PARD3: variants seen among roughly 807,000 people sequenced by gnomAD.
PARD3 encodes partitioning defective 3 homolog.
In PARD3, 75 loss-of-function variants were observed where a neutral mutation model predicts 155.4. The ratio of observed to expected loss-of-function variants is 0.48; its 90% CI spans 0.40 to 0.58. PARD3 has a LOEUF of 0.58. PARD3 is among the 20% of genes least tolerant of loss of function. PARD3 has a pLI of 0.00. For synonymous variants in PARD3, 576 were observed against 610.5 expected, an observed-to-expected ratio of 0.94 and a Z score of 0.83; for missense variants, 1,642 against 1,721.7, an observed-to-expected ratio of 0.95 and a Z score of 0.82.
chr10:34,364,921 T>C (rs1839820836), intron 12 of PARD3, among the ~76,000 whole-genome samples: 1 of 152,218 alleles, frequency 6.6e-6, no homozygotes, highest in Admixed American at 6.5e-5. Context: ...TCAAAGGTTA[T>C]CAAATTGCTC....
chr10:34,618,063 C>G (rs1353466556), intron 2 of PARD3, among the ~76,000 whole-genome samples: 2 of 152,142 alleles, frequency 1.3e-5, no homozygotes, highest in Non-Finnish European at 2.9e-5. Context: ...AAACTATGAC[C>G]TTTCTAAACT....
intron 2 of PARD3, among the ~76,000 whole-genome samples, chr10:34,571,966 T>C (rs2086448395): frequency 6.6e-6 from 1 of 152,148 alleles, no homozygotes; most frequent in African/African-American, 2.4e-5. Flanking sequence ...CTCTATCTGG[T>C]AAGAAATTAT....
At chr10:34,307,719 G>C (rs1957484781) in intron 20 of PARD3, among the ~76,000 whole-genome samples, 2 of 152,196 alleles carry the variant, frequency 1.3e-5, no homozygotes, top group Admixed American at 1.3e-4. Flanking sequence ...CAGACACAGA[G>C]GCAGAGAATG....
At chr10:34,722,770 C>T (rs1213434152) in intron 1 of PARD3, among the ~76,000 whole-genome samples, 1 of 152,186 alleles carries the variant, frequency 6.6e-6, no homozygotes, top group Non-Finnish European at 1.5e-5. Flanking sequence ...AACACAGTAT[C>T]TTCTTTAGAA....
chr10:34,415,476 T>C (rs1589489073), intron 5 of PARD3, among the ~76,000 whole-genome samples: 1 of 152,256 alleles, frequency 6.6e-6, no homozygotes, highest in South Asian at 2.1e-4. Flanking sequence ...TTTATATGTA[T>C]TGTTTTACAT....
rs1465651258 is a variant in PARD3 at position 34,131,582 on chromosome 10, T to C, written c.3421A>G (p.Asn1141Asp). ...RNSKPSPVDS[N>D]RSTPSNHDRI... Reference sequence around the variant, plus strand: ...TCATGATTGCTAGGAGTTGATCTGTTACTGAAAGAGAGATGAGGCAGCAGT... The same window carrying C: ...TCATGATTGCTAGGAGTTGATCTGTCACTGAAAGAGAGATGAGGCAGCAGT... Residue 1141 changes from asparagine (N) to aspartate (D), a missense_variant and splice_region_variant, in exon 23 of 25, where the codon AAC becomes GAC. Asn to Asp is a conservative substitution (Grantham distance 23). Coordinates refer to ENST00000374788, the MANE Select transcript of PARD3 (RefSeq NM_001184785.2). 6.2e-7 allele frequency: 1 copy of C among 1,613,800 alleles called. No homozygotes were observed. The highest frequency in any genetic ancestry group is 8.5e-7 in the Non-Finnish European group (1 of 1,179,720).
At chr10:34,392,879 G>A (rs1185501221) in intron 7 of PARD3, among the ~76,000 whole-genome samples, 5 of 152,100 alleles carry the variant, frequency 3.3e-5, no homozygotes, top group Non-Finnish European at 5.9e-5. Flanking sequence ...ATACTAGAAT[G>A]TAAAACCATC....
intron 18 of PARD3, among the ~76,000 whole-genome samples, chr10:34,335,627 A>T (rs1209111926): frequency 6.6e-6 from 1 of 152,062 alleles, no homozygotes; most frequent in Non-Finnish European, 1.5e-5. Context: ...AAGCTCACAA[A>T]GTTAAGATAT....
chr10:34,587,770 T>C (rs755916671), intron 2 of PARD3, among the ~76,000 whole-genome samples: 1 of 152,032 alleles, frequency 6.6e-6, no homozygotes, highest in East Asian at 1.9e-4. Flanking sequence ...CCATGACTAG[T>C]TAGAAGTATA....
chr10:34,452,694 C>T (rs947071793), intron 4 of PARD3, among the ~76,000 whole-genome samples: 1 of 152,108 alleles, frequency 6.6e-6, no homozygotes, highest in African/African-American at 2.4e-5. Context: ...AAAAAGTGCA[C>T]AATTTCACCA....
chr10:34,239,421 A>G lies in PARD3; in HGVS notation c.3419+30236T>C, dbSNP rs147863954. 3.1e-3 allele frequency among the ~76,000 whole-genome samples: 475 copies of G among 152,342 alleles called. 2 individuals carry two copies. The highest frequency in any genetic ancestry group is 0.011 in the African/African-American group (437 of 41,588). On this transcript the variant is annotated intron_variant, in intron 22 of 24. Transcript: ENST00000374788. Reference sequence around the variant, plus strand: ...GAAGTGTCAAGGCAGAGGCAGACACAGACTGAGAGAAGTGGGCTGAAGTCT... The same window carrying G: ...GAAGTGTCAAGGCAGAGGCAGACACGGACTGAGAGAAGTGGGCTGAAGTCT...
intron 2 of PARD3, among the ~76,000 whole-genome samples, chr10:34,520,627 G>A (rs970495358): frequency 1.3e-5 from 2 of 152,086 alleles, no homozygotes; most frequent in Admixed American, 6.6e-5. Context: ...GGCCCATACC[G>A]TCTCTTTCAT....
intron 24 of PARD3, 26 bp from the exon 25 acceptor site, chr10:34,111,588 T>A (rs371227713): frequency 2.6e-6 from 4 of 1,565,298 alleles, no homozygotes; most frequent in South Asian, 1.2e-5. Flanking sequence ...CAAAGGTTAG[T>A]GTGAGGGTAG....
intron 22 of PARD3, among the ~76,000 whole-genome samples, chr10:34,227,856 T>TTTTATATATATATATATATATATATATA (rs1554814033): frequency 1.2e-5 from 1 of 82,276 alleles, no homozygotes; most frequent in Non-Finnish European, 2.3e-5. Context: ...GAATTATTTT[T>TTTTATATATATATATATATATATATATA]TATATATATA....
intron 1 of PARD3, among the ~76,000 whole-genome samples, chr10:34,737,046 T>C (rs1045681159): frequency 6.6e-5 from 10 of 151,998 alleles, no homozygotes; most frequent in Non-Finnish European, 1.5e-4. Flanking sequence ...CCTTTTACGG[T>C]TGAGATGCTC....
intron 20 of PARD3, among the ~76,000 whole-genome samples, chr10:34,289,636 C>T (rs997811985): frequency 4.6e-5 from 7 of 152,144 alleles, no homozygotes; most frequent in African/African-American, 1.7e-4. Flanking sequence ...TGCCACACTC[C>T]ACCAGAAACT....
At chr10:34,698,504 A>G (rs1358816575) in intron 1 of PARD3, among the ~76,000 whole-genome samples, 1 of 152,140 alleles carries the variant, frequency 6.6e-6, no homozygotes, top group Non-Finnish European at 1.5e-5. Context: ...TTTCCTGACC[A>G]TCACACCCCC....
chr10:34,701,569 G>C (rs1453832351), intron 1 of PARD3, among the ~76,000 whole-genome samples: 2 of 152,140 alleles, frequency 1.3e-5, no homozygotes, highest in Non-Finnish European at 2.9e-5. Context: ...CTCTGGAATG[G>C]GGAGAACCAA....
chr10:34,176,626 C>G (rs1185019531), intron 22 of PARD3, among the ~76,000 whole-genome samples: 1 of 152,184 alleles, frequency 6.6e-6, no homozygotes, highest in Non-Finnish European at 1.5e-5. Flanking sequence ...ACTCCCGGAT[C>G]TCAGGCTTGC....
Sources: allele counts gnomAD v4.1 joint callset (sites outside exome capture counted in the v4.1 genomes callset), GRCh38; gene constraint gnomAD v4.1.1; transcripts MANE v1.5; gene names NCBI Gene and HGNC (gene_info 2026-07-23, HGNC 2026-07-21).